Variants in TANGO6 observed in about 807,000 individuals in gnomAD.
TANGO6 encodes transport and golgi organization 6 homolog.
Under a neutral mutation model 114.2 loss-of-function variants are expected in TANGO6, and 90 were observed. That is an observed-to-expected ratio of 0.79 (90% CI 0.66 to 0.94). TANGO6 has a LOEUF of 0.94. Ranked by LOEUF, TANGO6 falls within the 40% of genes least tolerant of loss-of-function variation. The pLI is 0.00. For synonymous variants in TANGO6, 477 were observed against 509.8 expected (o/e 0.94, Z 0.87); for missense variants, 1,274 against 1,315.3 (o/e 0.97, Z 0.49).
chr16:68,906,529 C>T (rs976537353), intron 9 of TANGO6, among the ~76,000 whole-genome samples: 10 of 151,956 alleles, frequency 6.6e-5, no homozygotes, highest in South Asian at 4.1e-4. Flanking sequence ...ACTTTAATTC[C>T]TCCTTGCTTT....
intron 15 of TANGO6, among the ~76,000 whole-genome samples, chr16:69,000,410 G>C (rs1964029846): frequency 6.6e-6 from 1 of 152,112 alleles, no homozygotes; most frequent in East Asian, 1.9e-4. Context: ...TAGAATCACT[G>C]GTAGTCTATT....
chr16:68,988,361 C>T (rs1057191311), intron 15 of TANGO6, among the ~76,000 whole-genome samples: 4 of 152,130 alleles, frequency 2.6e-5, no homozygotes, highest in African/African-American at 4.8e-5. Context: ...TTTCTCCTGC[C>T]GCCTCAGAGC....
At chr16:69,069,594 CT>C (rs2152242612) in intron 17 of TANGO6, among the ~76,000 whole-genome samples, 1 of 152,250 alleles carries the variant, frequency 6.6e-6, no homozygotes, top group South Asian at 2.1e-4. Context: ...CCTCTTTCCC[CT>C]GTCTTCACCT....
At chr16:69,019,472 A>C (rs754497521) in intron 15 of TANGO6, among the ~76,000 whole-genome samples, 1 of 152,128 alleles carries the variant, frequency 6.6e-6, no homozygotes, top group Non-Finnish European at 1.5e-5. Context: ...CTTATACTGT[A>C]TGGAAGGTAC....
At chr16:68,977,873 A>G (rs1233798512) in intron 15 of TANGO6, among the ~76,000 whole-genome samples, 2 of 151,742 alleles carry the variant, frequency 1.3e-5, no homozygotes, top group African/African-American at 4.8e-5. Context: ...TTTAGTAGAG[A>G]CAGGGTTTCA....
intron 14 of TANGO6, among the ~76,000 whole-genome samples, chr16:68,945,373 A>T (rs946300579): frequency 6.6e-5 from 10 of 151,288 alleles, no homozygotes; most frequent in African/African-American, 2.4e-4. Flanking sequence ...TTTTTATTTT[A>T]TTTTTTTTTA....
At chr16:68,861,302 C>T (rs575939781) in intron 2 of TANGO6, among the ~76,000 whole-genome samples, 1 of 152,180 alleles carries the variant, frequency 6.6e-6, no homozygotes, top group Non-Finnish European at 1.5e-5. Flanking sequence ...GCAGTGATTC[C>T]GCAGCCTCCA....
At chr16:69,075,792 T>A (rs998701258) in intron 17 of TANGO6, among the ~76,000 whole-genome samples, 9 of 141,908 alleles carry the variant, frequency 6.3e-5, no homozygotes, top group Non-Finnish European at 1.1e-4. Flanking sequence ...TGAGACAGAG[T>A]CTCACTCTGT....
intron 1 of TANGO6, among the ~76,000 whole-genome samples, chr16:68,848,689 T>G (rs1961853238): frequency 6.6e-6 from 1 of 152,158 alleles, no homozygotes; most frequent in Non-Finnish European, 1.5e-5. Context: ...TTCTGTTCCT[T>G]TATTGACCAA....
chr16:68,877,205 C>T (rs1597000768), intron 5 of TANGO6, among the ~76,000 whole-genome samples: 1 of 152,148 alleles, frequency 6.6e-6, no homozygotes, highest in Non-Finnish European at 1.5e-5. Flanking sequence ...CACGGTGGCT[C>T]ACGCCTGTAA....
chr16:68,857,729 G>T (rs1177394357), intron 1 of TANGO6, among the ~76,000 whole-genome samples: 1 of 152,078 alleles, frequency 6.6e-6, no homozygotes, highest in Non-Finnish European at 1.5e-5. Flanking sequence ...GTATATAATG[G>T]TATCTGGCTG....
chr16:68,986,192 AG>A (rs1195832053), intron 15 of TANGO6, among the ~76,000 whole-genome samples: 1 of 152,230 alleles, frequency 6.6e-6, no homozygotes, highest in Non-Finnish European at 1.5e-5. Context: ...GACTTCTAAA[AG>A]TCAGAACAAA....
At chr16:68,900,842 C>T (rs1027580342) in intron 8 of TANGO6, among the ~76,000 whole-genome samples, 2 of 152,166 alleles carry the variant, frequency 1.3e-5, no homozygotes, top group Non-Finnish European at 2.9e-5. Context: ...GTGAGAAATA[C>T]TGCAATTACA....
chr16:69,025,689 G>T (rs1251713395), intron 16 of TANGO6, among the ~76,000 whole-genome samples: 1 of 151,866 alleles, frequency 6.6e-6, no homozygotes, highest in Non-Finnish European at 1.5e-5. Flanking sequence ...TTTGCACTGG[G>T]TACCTGCCCC....
chr16:68,894,859 C>A (rs1204820743), intron 7 of TANGO6, among the ~76,000 whole-genome samples: 2 of 152,034 alleles, frequency 1.3e-5, no homozygotes, highest in East Asian at 3.9e-4. Context: ...CGTGGAACTC[C>A]CATATCCATG....
In TANGO6 at chr16:68,904,103, GT is replaced by G. The variant is rs578211501; in HGVS notation, c.1667+1603del. On this transcript the variant is annotated intron_variant, in intron 9 of 17. Transcript: ENST00000261778. Reference sequence around the variant, plus strand: ...CTTAAGATAATTGTCATGTGTTTTTGTTTTGTTTTGTTTTGTTTTTTGGTGC... The same window carrying G: ...CTTAAGATAATTGTCATGTGTTTTTGTTTGTTTTGTTTTGTTTTTTGGTGC... Among the ~76,000 whole-genome samples the G allele has an allele frequency of 2.0e-4, 30 of 152,046 alleles. No individual in the cohort carries two copies. The East Asian group carries it at 5.2e-3, about 26-fold the overall frequency.
chr16:68,900,003 GGGTTT>G (rs1247096982), intron 7 of TANGO6, among the ~76,000 whole-genome samples: 1 of 152,114 alleles, frequency 6.6e-6, no homozygotes, highest in East Asian at 1.9e-4. Flanking sequence ...GCAGTGTTTT[GGGTTT>G]GGTTTGATTT....
intron 14 of TANGO6, among the ~76,000 whole-genome samples, chr16:68,960,726 T>C (rs529766918): frequency 6.6e-6 from 1 of 152,114 alleles, no homozygotes. Flanking sequence ...GTCAAACTCC[T>C]GGCTTCAAGT....
intron 11 of TANGO6, among the ~76,000 whole-genome samples, chr16:68,916,286 G>A (rs1022344860): frequency 7.9e-5 from 12 of 152,106 alleles, no homozygotes; most frequent in Middle Eastern, 3.2e-3. Flanking sequence ...CCACCTGAGC[G>A]CCGCCTCCTG....
Sources: gnomAD v4.1 joint callset for allele counts (sites outside exome capture counted in the v4.1 genomes callset) on GRCh38, gnomAD v4.1.1 for gene constraint, MANE v1.5 for transcripts, NCBI Gene and HGNC (gene_info 2026-07-23, HGNC 2026-07-21) for gene names.